The following RPN2 variants were observed in gnomAD, a reference collection of about 807,000 sequenced individuals.
The protein encoded by RPN2 is dolichyl-diphosphooligosaccharide--protein glycosyltransferase subunit 2.
Under a neutral mutation model 71.4 loss-of-function variants are expected in RPN2, and 29 were observed. That is an observed-to-expected ratio of 0.41 (90% CI 0.30 to 0.55). The LOEUF (loss-of-function observed/expected upper bound fraction) is 0.55. RPN2 is among the 20% of genes least tolerant of loss of function. The pLI is 0.35. For synonymous variants in RPN2, 308 were observed against 305.0 expected (o/e 1.01, Z -0.10); for missense variants, 726 against 774.1 (o/e 0.94, Z 0.74).
At chr20:37,208,213 T>C (rs1600788342) in intron 7 of RPN2, among the ~76,000 whole-genome samples, 1 of 149,406 alleles carries the variant, frequency 6.7e-6, no homozygotes. Context: ...GAGGTTGCAG[T>C]GAGCCGAGAC....
At chr20:37,201,278 A>G (rs1447990803) in intron 4 of RPN2, among the ~76,000 whole-genome samples, 1 of 129,152 alleles carries the variant, frequency 7.7e-6, no homozygotes, top group Non-Finnish European at 1.6e-5. Context: ...GTTAGGTCAT[A>G]AGCTTTTTTT....
intron 12 of RPN2, 138 bp downstream of exon 12, chr20:37,228,882 G>A: frequency 2.6e-6 from 2 of 773,414 alleles, no homozygotes; most frequent in East Asian, 2.6e-5. Context: ...GTGAGGCACT[G>A]TGTGCAGTCT....
intron 13 of RPN2, 145 bp downstream of exon 13, chr20:37,230,204 G>A: frequency 1.3e-6 from 1 of 745,598 alleles, no homozygotes; most frequent in Non-Finnish European, 2.4e-6. Context: ...GTAAATGGCA[G>A]CCCCATCCTT....
intron 2 of RPN2, among the ~76,000 whole-genome samples, chr20:37,184,748 C>T (rs546557239): frequency 2.0e-5 from 3 of 152,208 alleles, no homozygotes; most frequent in Non-Finnish European, 2.9e-5. Context: ...GCTGAGATCC[C>T]GCCATTGCAC....
At chr20:37,193,832 G>A (rs1192744133) in intron 2 of RPN2, among the ~76,000 whole-genome samples, 1 of 152,174 alleles carries the variant, frequency 6.6e-6, no homozygotes, top group Non-Finnish European at 1.5e-5. Flanking sequence ...AGTCTGGGCT[G>A]GAGGTACGGG....
At chr20:37,193,912 G>A (rs575643655) in intron 2 of RPN2, among the ~76,000 whole-genome samples, 1 of 152,190 alleles carries the variant, frequency 6.6e-6, no homozygotes, top group Non-Finnish European at 1.5e-5. Flanking sequence ...AGGGAGGCAG[G>A]GGGTGGTGGG....
chr20:37,230,752 C>G (rs1467934785), intron 13 of RPN2, among the ~76,000 whole-genome samples: 2 of 152,064 alleles, frequency 1.3e-5, no homozygotes, highest in East Asian at 3.9e-4. Context: ...AAAACAAGTG[C>G]TCAAAGGGTA....
At chr20:37,204,669 G>T in intron 5 of RPN2, 98 bp from the exon 6 acceptor site, 1 of 1,284,744 alleles carries the variant, frequency 7.8e-7, no homozygotes, top group Non-Finnish European at 1.1e-6. Flanking sequence ...TAGAGTGAGA[G>T]ATGTCACGAA....
chr20:37,202,890 A>G (rs887861503), intron 4 of RPN2, among the ~76,000 whole-genome samples: 1 of 152,138 alleles, frequency 6.6e-6, no homozygotes, highest in Admixed American at 6.5e-5. Context: ...GCTGAGGGCT[A>G]AGGGGAGACA....
Position 37,234,087 on chromosome 20 carries a change from G to A in RPN2, c.1745G>A (p.Gly582Glu). ...CCTAGCACGATTATATTTCACCTGGGACATGCTGGTAAGTGCCCCAGGCTG... is the reference window on the plus strand; with the variant it reads ...CCTAGCACGATTATATTTCACCTGGAACATGCTGGTAAGTGCCCCAGGCTG... Reference protein sequence around the residue: ...FAPSTIIFHLGHAAMLGLMYV... With the variant: ...FAPSTIIFHLEHAAMLGLMYV... Residue 582 changes from glycine (G) to glutamate (E), a missense_variant, in exon 15 of 17, where the codon GGA (glycine) becomes GAA (glutamate). Physicochemically the swap from Gly to Glu is moderately conservative, Grantham distance 98. Transcript: ENST00000237530. 6 of 1,614,146 alleles carry A rather than the reference G, an allele frequency of 3.7e-6. No homozygotes were observed. Among genetic ancestry groups the A allele is most frequent in the Non-Finnish European group, 5.1e-6 (6 of 1,180,024 alleles).
intron 11 of RPN2, 47 bp downstream of exon 11, chr20:37,225,849 A>T: frequency 8.0e-6 from 10 of 1,245,568 alleles, no homozygotes; most frequent in Non-Finnish European, 1.2e-5. Flanking sequence ...ATGTGAATGG[A>T]TACTAGAGTT....
rs983222041 is a variant in RPN2, at chr20:37,207,127, T to C, written c.691-146T>C. Reference sequence around the variant, plus strand: ...AGTTTAAATGCAGAATATTTGCGTTTTCTCCATCTACGAATTTGGATCATT... The same window carrying C: ...AGTTTAAATGCAGAATATTTGCGTTCTCTCCATCTACGAATTTGGATCATT... On this transcript the variant is annotated intron_variant, in intron 6 of 16. Transcript: ENST00000237530. 4 of 681,450 alleles carry C rather than the reference T, an allele frequency of 5.9e-6. No individual in the cohort carries two copies. The African/African-American group carries it at 7.1e-5, about 12-fold the overall frequency. The allele number at this position is 681,450 out of a possible 1,614,324, so 42.2% of individuals were successfully genotyped here.
chr20:37,218,561 A>AC (rs1417044498), intron 9 of RPN2, among the ~76,000 whole-genome samples: 1 of 152,120 alleles, frequency 6.6e-6, no homozygotes, highest in Non-Finnish European at 1.5e-5. Flanking sequence ...AAAAAACAAA[A>AC]AAAACAAAAC....
intron 9 of RPN2, among the ~76,000 whole-genome samples, chr20:37,222,300 A>G (rs2067978575): frequency 6.6e-6 from 1 of 152,178 alleles, no homozygotes; most frequent in Non-Finnish European, 1.5e-5. Context: ...ATGACAGGCA[A>G]TGATCCTAAA....
intron 2 of RPN2, among the ~76,000 whole-genome samples, chr20:37,187,855 C>T (rs1235057243): frequency 6.6e-6 from 1 of 152,044 alleles, no homozygotes. Flanking sequence ...GTTGGCCAGG[C>T]TGGTCTTGAA....
chr20:37,213,124 C>T (rs1253267119), intron 8 of RPN2, among the ~76,000 whole-genome samples: 1 of 152,132 alleles, frequency 6.6e-6, no homozygotes, highest in Non-Finnish European at 1.5e-5. Flanking sequence ...CCTCTTTGTA[C>T]ATTTTGGAGT....
chr20:37,224,077 C>A, intron 10 of RPN2, 108 bp downstream of exon 10: 1 of 859,808 alleles, frequency 1.2e-6, no homozygotes, highest in East Asian at 2.6e-5. Context: ...AGCAGCCATC[C>A]AGCTTACATC....
rs2066792636 is a variant in RPN2, at chr20:37,179,588, C to A, written c.13+219C>A. Reference sequence around the variant, plus strand: ...GGGGTTGGTGCCTGGGGGAGGGGTGCAGCGCGGAGCTACGGGTCGCCCCGA... The same window carrying A: ...GGGGTTGGTGCCTGGGGGAGGGGTGAAGCGCGGAGCTACGGGTCGCCCCGA... On this transcript the variant is annotated intron_variant, in intron 1 of 16. Transcript: ENST00000237530. 3 of 1,221,288 alleles carry A rather than the reference C, an allele frequency of 2.5e-6. No individual in the cohort carries two copies. In the South Asian group the frequency reaches 5.5e-5, roughly 22 times the overall value. 75.7% of individuals were successfully genotyped at this position (1,221,288 alleles called of 1,614,324 possible).
intron 11 of RPN2, 82 bp from the exon 12 acceptor site, chr20:37,228,468 C>A: frequency 1.5e-6 from 2 of 1,359,210 alleles, no homozygotes; most frequent in South Asian, 1.2e-5. Context: ...TAATAACCGT[C>A]TGCTGCCCGG....
Sources: gnomAD v4.1 joint callset for allele counts (sites outside exome capture counted in the v4.1 genomes callset) on GRCh38, gnomAD v4.1.1 for gene constraint, MANE v1.5 for transcripts, NCBI Gene and HGNC (gene_info 2026-07-23, HGNC 2026-07-21) for gene names.